Variants in EIF3A observed in about 807,000 individuals in gnomAD.
EIF3A encodes the protein eukaryotic translation initiation factor 3 subunit A.
EIF3A carries 21 observed loss-of-function variants against 186.6 expected under a neutral mutation model. The observed-to-expected ratio is 0.11, with a 90% confidence interval of 0.08 to 0.16. The LOEUF (loss-of-function observed/expected upper bound fraction) is 0.16. Among genes scored for constraint, EIF3A ranks in the 10% least tolerant of loss-of-function variants. The pLI, the probability that EIF3A is intolerant of heterozygous loss-of-function variation, is 1.00. For missense variants in EIF3A, 1,306 were observed against 1,796.3 expected (o/e 0.73, Z 4.93); for synonymous variants, 563 against 584.3 (o/e 0.96, Z 0.52).
rs766849461 is a variant in EIF3A at position 119,042,356 on chromosome 10, T to A, written c.3164A>T (p.Asp1055Val). The A allele has an allele frequency of 1.9e-6, 3 of 1,614,002 alleles. No individual in the cohort carries two copies. The highest frequency in any genetic ancestry group is 2.5e-6 in the Non-Finnish European group (3 of 1,179,930). ...DRGPRRGGAD[D>V]ERSSWRNADD... is the part of the protein sequence containing the mutation. The stretch of plus-strand genomic sequence containing the variant: ...AGCATTACGCCAGGATGATCGCTCA[T>A]CATCAGCGCCTCCTCGCCTCGGCCC... Residue 1055 changes from aspartate (D) to valine (V), a missense_variant, in exon 19 of 22, where the codon GAT (aspartate) becomes GTT (valine). By Grantham distance (152) the Asp-to-Val change is radical. Around this residue, in one of 8 missense-constraint regions of EIF3A, gnomAD observed 410 missense variants for 473.5 expected, o/e 0.87. Transcript: ENST00000369144. The surrounding 1 kb of genome is among the most constrained non-coding windows in gnomAD (Gnocchi z 7.8).
At chr10:119,052,918 A>C (rs1453058487) in intron 14 of EIF3A, among the ~76,000 whole-genome samples, 1 of 152,238 alleles carries the variant, frequency 6.6e-6, no homozygotes, top group Non-Finnish European at 1.5e-5. Flanking sequence ...TATGGCAGCT[A>C]CAGGTTTATG....
chr10:119,042,334 A>C lies in EIF3A; in HGVS notation c.3186T>G (p.Asn1062Lys). The C allele has an allele frequency of 6.2e-7, 1 of 1,611,574 alleles. No homozygotes were observed. The highest frequency in any genetic ancestry group is 1.1e-5 in the South Asian group (1 of 90,940). Residue 1062 changes from asparagine to lysine, a missense_variant, in exon 19 of 22, where the codon AAT (asparagine) becomes AAG (lysine). By Grantham distance (94) the Asn-to-Lys change is moderately conservative. Transcript: ENST00000369144. This position sits in a 1 kb window ranked among gnomAD's most constrained non-coding sequence, Gnocchi z 7.8. ...GCCTGGGACCCCGGTCATCATCAGC[A>C]TTACGCCAGGATGATCGCTCATCAT... ...GADDERSSWR[N>K]ADDDRGPRRG...
chr10:119,042,352 C>A lies in EIF3A; in HGVS notation c.3168G>T (p.Glu1056Asp). ...RGPRRGGADD[E>D]RSSWRNADDD... ...CATCAGCATTACGCCAGGATGATCG[C>A]TCATCATCAGCGCCTCCTCGCCTCG... The change falls in exon 19 of 22, where the codon GAG becomes GAT. Residue 1056 changes from glutamate (E) to aspartate (D), a missense_variant. By Grantham distance (45) the Glu-to-Asp change is conservative. This residue lies in a region of EIF3A where 410 missense variants were observed against 473.5 expected (regional missense o/e 0.87). Transcript: ENST00000369144. This position sits in a 1 kb window ranked among gnomAD's most constrained non-coding sequence, Gnocchi z 7.8. 1 of 1,613,632 alleles carries A rather than the reference C, an allele frequency of 6.2e-7. No homozygotes were observed. The highest frequency in any genetic ancestry group is 8.5e-7 in the Non-Finnish European group (1 of 1,179,828).
intron 8 of EIF3A, 89 bp downstream of exon 8, chr10:119,061,135 A>T: frequency 1.5e-6 from 1 of 683,298 alleles, no homozygotes; most frequent in Non-Finnish European, 2.5e-6. Context: ...ATAGGACAAA[A>T]CTTCTCTCTT....
At chr10:119,075,610 TAAA>T (rs1361570172) in intron 1 of EIF3A, among the ~76,000 whole-genome samples, 3 of 5,176 alleles carry the variant, frequency 5.8e-4, no homozygotes, top group Non-Finnish European at 2.1e-3. Flanking sequence ...AACACTACAC[TAAA>T]AAAAAAAAGG....
chr10:119,043,961 T>A, intron 18 of EIF3A, 93 bp downstream of exon 18: 2 of 932,996 alleles, frequency 2.1e-6, no homozygotes, highest in Non-Finnish European at 3.5e-6. Context: ...TGGCTCTCCT[T>A]TCCCTGCCTC....
At chr10:119,079,661 T>C (rs962382000) in intron 1 of EIF3A, among the ~76,000 whole-genome samples, 2 of 151,622 alleles carry the variant, frequency 1.3e-5, no homozygotes, top group African/African-American at 4.8e-5. Context: ...AGAACGCCAA[T>C]GTAATAAATG....
chr10:119,036,228 C>A lies in EIF3A; in HGVS notation c.3960G>T (p.Arg1320=). ...WRRADDRKDD[R]VEERDPPRRV... is the part of the protein sequence containing the mutation. The stretch of plus-strand genomic sequence containing the variant: ...GACGAGGAGGGTCCCGCTCTTCCAC[C>A]CGGTCATCTTTCCTGTCATCAGCAC... Residue 1320 remains arginine (R), a synonymous_variant, in exon 22 of 22, where the codon CGG becomes CGT. Transcript: ENST00000369144. 1 of 1,613,808 alleles carries A rather than the reference C, an allele frequency of 6.2e-7. No homozygotes were observed. The highest frequency in any genetic ancestry group is 8.5e-7 in the Non-Finnish European group (1 of 1,179,948).
intron 6 of EIF3A, among the ~76,000 whole-genome samples, chr10:119,065,976 C>A (rs879404862): frequency 1.3e-5 from 2 of 151,900 alleles, no homozygotes; most frequent in African/African-American, 4.8e-5. Flanking sequence ...ATTAGCCAGG[C>A]GTAGTGGTGG....
chr10:119,057,494 G>T (rs185813768), intron 12 of EIF3A, among the ~76,000 whole-genome samples: 5 of 152,166 alleles, frequency 3.3e-5, no homozygotes, highest in Non-Finnish European at 2.9e-5. Flanking sequence ...TATGAAACAG[G>T]TCATGTGTGG....
In EIF3A at chr10:119,059,140, T is replaced by C. The variant is rs1413858149; in HGVS notation, c.1629+72A>G. On this transcript the variant is annotated intron_variant, in intron 11 of 21. Transcript: ENST00000369144. ...TCTCAGATATTGTCTCAAACCTTTT[T>C]GTAAAAGACATGGCATGGCGTTAAG... The C allele has an allele frequency of 4.8e-6, 6 of 1,238,004 alleles. No homozygotes were observed. In the East Asian group the frequency reaches 1.4e-4, roughly 29 times the overall value. The allele number at this position is 1,238,004 out of a possible 1,614,324, so 76.7% of individuals were successfully genotyped here. A position where few individuals can be genotyped will look rare whatever the true frequency, so the allele number is the denominator to read the frequency against.
At chr10:119,044,023 G>C (rs765347246) in intron 18 of EIF3A, 31 bp downstream of exon 18, 48 of 1,461,370 alleles carry the variant, frequency 3.3e-5, no homozygotes, top group Non-Finnish European at 4.5e-5. Context: ...ACAGGAACTG[G>C]AGCGGCATTA....
At chr10:119,048,663 T>A (rs1282775104) in intron 17 of EIF3A, among the ~76,000 whole-genome samples, 1 of 151,322 alleles carries the variant, frequency 6.6e-6, no homozygotes, top group African/African-American at 2.4e-5. Context: ...TCCTCTAAAT[T>A]CACGATTCTT....
At position 119,070,844 on chromosome 10, in the gene EIF3A, G is replaced by A. The variant is rs746235261; in HGVS notation, c.741+42C>T. On this transcript the variant is annotated intron_variant, in intron 5 of 21. Transcript: ENST00000369144. ...ATTAAGGGGGGAGAAAAGTAACACA[G>A]ACTATTATTTCTAGGAAGAAAAGCT... 2.1e-5 allele frequency: 29 copies of A among 1,385,366 alleles called. No individual in the cohort carries two copies. The East Asian group carries it at 6.6e-4, about 32-fold the overall frequency. 85.8% of individuals were successfully genotyped at this position (1,385,366 alleles called of 1,614,324 possible). A position where few individuals can be genotyped will look rare whatever the true frequency, so the allele number is the denominator to read the frequency against.
intron 6 of EIF3A, among the ~76,000 whole-genome samples, chr10:119,066,358 A>T (rs1023496644): frequency 6.7e-6 from 1 of 150,222 alleles, no homozygotes; most frequent in Non-Finnish European, 1.5e-5. Flanking sequence ...AAAATGCAAA[A>T]ATTAGCCAGA....
intron 1 of EIF3A, among the ~76,000 whole-genome samples, chr10:119,077,412 C>G (rs902962483): frequency 6.6e-6 from 1 of 152,132 alleles, no homozygotes; most frequent in Non-Finnish European, 1.5e-5. Flanking sequence ...GATAGTGCCA[C>G]TGCACTCCAG....
rs550831239 is a variant in EIF3A, at chr10:119,080,710, G to A, written c.-34C>T. 1.9e-6 allele frequency: 3 copies of A among 1,575,624 alleles called. No homozygotes were observed. The highest frequency in any genetic ancestry group is 1.4e-5 in the African/African-American group (1 of 72,944). ...CAGGCTCAGCTCACCCGGCGTCAGC[G>A]AACTCTCTAGTGGCCCGGGCCGGGA... On this transcript the variant is annotated 5_prime_UTR_variant, in exon 1 of 22. Coordinates refer to ENST00000369144, the MANE Select transcript of EIF3A (RefSeq NM_003750.4).
chr10:119,051,321 T>C lies in EIF3A; in HGVS notation c.2197A>G (p.Ile733Val), dbSNP rs769049420. Residue 733 changes from isoleucine to valine, a missense_variant and splice_region_variant, in exon 15 of 22, where the codon ATT (isoleucine) becomes GTT (valine). This residue lies in a region of EIF3A where 410 missense variants were observed against 473.5 expected (regional missense o/e 0.87). Transcript: ENST00000369144. Reference protein sequence around the residue: ...DLWEQQEEERITTMQLEREKA... With the variant: ...DLWEQQEEERVTTMQLEREKA... ...TCACGTTCTAGCTGCATTGTAGTAA[T>C]CTGCAAGTACAAATATTGTGAAATT... The C allele has an allele frequency of 6.3e-7, 1 of 1,581,306 alleles. No individual in the cohort carries two copies. Among genetic ancestry groups the C allele is most frequent in the Non-Finnish European group, 8.6e-7 (1 of 1,169,528 alleles).
rs1228943481 is a variant in EIF3A, at chr10:119,080,708, G to A, written c.-32C>T. The A allele has an allele frequency of 5.7e-6, 9 of 1,578,094 alleles. No individual in the cohort carries two copies. The highest frequency in any genetic ancestry group is 2.3e-5 in the East Asian group (1 of 42,818). ...GGCAGGCTCAGCTCACCCGGCGTCAGCGAACTCTCTAGTGGCCCGGGCCGG... is the reference window on the plus strand; with the variant it reads ...GGCAGGCTCAGCTCACCCGGCGTCAACGAACTCTCTAGTGGCCCGGGCCGG... On this transcript the variant is annotated 5_prime_UTR_variant, in exon 1 of 22. Coordinates refer to ENST00000369144, the MANE Select transcript of EIF3A (RefSeq NM_003750.4).
Sources: allele counts gnomAD v4.1 joint callset (sites outside exome capture counted in the v4.1 genomes callset), GRCh38; gene constraint gnomAD v4.1.1; regional missense constraint gnomAD v4.1.1; non-coding constraint Gnocchi (gnomAD v3.1); transcripts MANE v1.5; gene names NCBI Gene and HGNC (gene_info 2026-07-23, HGNC 2026-07-21).